CHCHD3: variants seen among roughly 807,000 people sequenced by gnomAD.
CHCHD3 encodes MICOS complex subunit MIC19.
In CHCHD3, 20 loss-of-function variants were observed where a neutral mutation model predicts 38.2. The observed-to-expected ratio is 0.52, with a 90% CI of 0.37 to 0.76. The LOEUF is 0.76. CHCHD3 is among the 30% of genes least tolerant of loss of function. The pLI is 0.00. For missense variants in CHCHD3, 245 were observed against 279.2 expected, an observed-to-expected ratio of 0.88 and a Z score of 0.87; for synonymous variants, 82 against 100.0, an observed-to-expected ratio of 0.82 and a Z score of 1.07.
intron 3 of CHCHD3, among the ~76,000 whole-genome samples, chr7:132,979,004 T>C (rs921464349): frequency 2.0e-5 from 3 of 152,210 alleles, no homozygotes; most frequent in Admixed American, 6.5e-5. Context: ...ATCAGGGAGT[T>C]TGGCAGTAGG....
At chr7:132,819,004 T>C (rs550519015) in intron 6 of CHCHD3, among the ~76,000 whole-genome samples, 19 of 152,338 alleles carry the variant, frequency 1.2e-4, no homozygotes, top group Non-Finnish European at 2.4e-4. Context: ...AATCAAACCA[T>C]TAGGCCAGAC....
At chr7:133,055,805 C>T (rs1459479820) in intron 2 of CHCHD3, among the ~76,000 whole-genome samples, 7 of 151,662 alleles carry the variant, frequency 4.6e-5, no homozygotes, top group Non-Finnish European at 1.0e-4. Flanking sequence ...CTCACTCCTC[C>T]CCCACCATAC....
At chr7:132,822,036 CT>C (rs1267877256) in intron 6 of CHCHD3, among the ~76,000 whole-genome samples, 3 of 152,194 alleles carry the variant, frequency 2.0e-5, no homozygotes, top group Non-Finnish European at 4.4e-5. Flanking sequence ...AGATCCCAGC[CT>C]AATGCACTTT....
In CHCHD3 at chr7:133,070,156, G is replaced by C; in HGVS notation, c.155C>G (p.Ala52Gly). 6.2e-7 allele frequency: 1 copy of C among 1,610,374 alleles called. No homozygotes were observed. The highest frequency in any genetic ancestry group is 8.5e-7 in the Non-Finnish European group (1 of 1,179,264). ...TTCAGCAATACCTGAGGCACCATAA[G>C]CACCAGAATACCGCTGAGACTTCGA... ...SGSKSQRYSG[A>G]YGASVSDEEL... The change falls in exon 2 of 8, where the codon GCT (alanine) becomes GGT (glycine). Residue 52 changes from alanine to glycine, a missense_variant. By Grantham distance (60) the Ala-to-Gly change is moderately conservative (BLOSUM62 0). Coordinates refer to ENST00000262570, the MANE Select transcript of CHCHD3 (RefSeq NM_017812.4).
chr7:132,916,223 C>T (rs1038064104), intron 4 of CHCHD3, among the ~76,000 whole-genome samples: 3 of 152,138 alleles, frequency 2.0e-5, no homozygotes, highest in Admixed American at 2.0e-4. Flanking sequence ...ACTCTTCATC[C>T]TAATTCCTTT....
intron 3 of CHCHD3, among the ~76,000 whole-genome samples, chr7:133,019,405 G>A (rs1346157016): frequency 1.3e-5 from 2 of 152,016 alleles, no homozygotes; most frequent in African/African-American, 4.8e-5. Flanking sequence ...ATTAGTATGA[G>A]AAACTAAAAG....
At chr7:132,940,776 G>C (rs1032960997) in intron 4 of CHCHD3, among the ~76,000 whole-genome samples, 3 of 152,134 alleles carry the variant, frequency 2.0e-5, no homozygotes, top group African/African-American at 7.2e-5. Context: ...AGACATCCTT[G>C]ACAGGTGTCA....
At chr7:133,051,651 G>A (rs1814170620) in intron 2 of CHCHD3, among the ~76,000 whole-genome samples, 1 of 151,952 alleles carries the variant, frequency 6.6e-6, no homozygotes. Context: ...ATATGTATAT[G>A]TATGAATGAA....
At chr7:132,787,767 T>G (rs2117016227) in intron 7 of CHCHD3, among the ~76,000 whole-genome samples, 1 of 152,266 alleles carries the variant, frequency 6.6e-6, no homozygotes, top group Non-Finnish European at 1.5e-5. Flanking sequence ...CATTATAGGT[T>G]TCTAAGAAGT....
intron 3 of CHCHD3, among the ~76,000 whole-genome samples, chr7:133,020,955 G>A (rs1285377927): frequency 6.9e-6 from 1 of 145,538 alleles, no homozygotes; most frequent in Admixed American, 6.9e-5. Flanking sequence ...GGGGAGAACG[G>A]ATAAGAGGGG....
chr7:132,936,870 AAC>A (rs959337775), intron 4 of CHCHD3, among the ~76,000 whole-genome samples: 4 of 152,180 alleles, frequency 2.6e-5, no homozygotes, highest in Non-Finnish European at 5.9e-5. Flanking sequence ...CAGTTAAACT[AAC>A]AGTTTATATT....
chr7:132,843,441 G>GA (rs929307757), intron 5 of CHCHD3, among the ~76,000 whole-genome samples: 31 of 151,684 alleles, frequency 2.0e-4, no homozygotes, highest in African/African-American at 6.0e-4. Flanking sequence ...CATTCAAAGT[G>GA]AAAAAAAATC....
At chr7:132,835,924 C>G (rs936629546) in intron 6 of CHCHD3, among the ~76,000 whole-genome samples, 2 of 152,132 alleles carry the variant, frequency 1.3e-5, no homozygotes, top group Admixed American at 6.5e-5. Flanking sequence ...TGTGTCAAGA[C>G]ACAGGGAGCA....
chr7:132,799,160 AG>A (rs1276698100), intron 6 of CHCHD3, among the ~76,000 whole-genome samples: 1 of 152,120 alleles, frequency 6.6e-6, no homozygotes, highest in Non-Finnish European at 1.5e-5. Flanking sequence ...CTCCAGCTCC[AG>A]GAGTAGACTC....
chr7:133,071,191 G>T (rs1208016179), intron 1 of CHCHD3, among the ~76,000 whole-genome samples: 6 of 152,148 alleles, frequency 3.9e-5, no homozygotes, highest in African/African-American at 1.2e-4. Flanking sequence ...AGACTTGCTT[G>T]TTTACCATCT....
chr7:132,904,621 GA>G lies in CHCHD3; in HGVS notation c.370-18877del, dbSNP rs1209904629. On this transcript the variant is annotated intron_variant, in intron 4 of 7. Coordinates refer to ENST00000262570, the MANE Select transcript of CHCHD3 (RefSeq NM_017812.4). ...TGCTGGAGAGGATGTGGAGAAATAG[GA>G]ACACTTTTACACTGTTGGTGGGACT... Among the ~76,000 whole-genome samples the G allele has an allele frequency of 1.1e-4, 16 of 152,282 alleles. No homozygotes were observed. In the East Asian group the frequency reaches 3.1e-3, roughly 29 times the overall value.
chr7:132,988,519 A>C (rs1157143006), intron 3 of CHCHD3, among the ~76,000 whole-genome samples: 1 of 152,178 alleles, frequency 6.6e-6, no homozygotes, highest in African/African-American at 2.4e-5. Context: ...ATTATTTAGC[A>C]ATATATATTT....
rs1314398511 is a variant in CHCHD3, at chr7:133,035,545, G to A, written c.170-10918C>T. On this transcript the variant is annotated intron_variant, in intron 2 of 7. Transcript: ENST00000262570. This position sits in a 1 kb window ranked among gnomAD's most constrained non-coding sequence, Gnocchi z 4.7. ...TCCTCCTTTGCATTCTCAGTGGCCT[G>A]TTTGTTGTGGTGCATGATGCCCAAG... 1 of 1,613,564 alleles carries A rather than the reference G, an allele frequency of 6.2e-7. No homozygotes were observed. The highest frequency in any genetic ancestry group is 1.7e-5 in the Admixed American group (1 of 60,020).
Position 132,838,447 on chromosome 7 carries a change from G to A in CHCHD3, c.476C>T (p.Thr159Ile). 1 of 1,612,652 alleles carries A rather than the reference G, an allele frequency of 6.2e-7. No homozygotes were observed. The highest frequency in any genetic ancestry group is 8.5e-7 in the Non-Finnish European group (1 of 1,179,060). ...AGCAGCTTTCTGATATTGTTCAGTGGTGACTCTGTAGAACTCTGAGCTCTG... is the reference window on the plus strand; with the variant it reads ...AGCAGCTTTCTGATATTGTTCAGTGATGACTCTGTAGAACTCTGAGCTCTG... ...EERSSEFYRV[T>I]TEQYQKAAEE... is the part of the protein sequence containing the mutation. The change falls in exon 6 of 8, where the codon ACC (threonine) becomes ATC (isoleucine). Residue 159 changes from threonine to isoleucine, a missense_variant. By Grantham distance (89) the Thr-to-Ile change is moderately conservative (BLOSUM62 -1). Coordinates refer to ENST00000262570, the MANE Select transcript of CHCHD3 (RefSeq NM_017812.4).
Sources: allele counts gnomAD v4.1 joint callset (sites outside exome capture counted in the v4.1 genomes callset), GRCh38; gene constraint gnomAD v4.1.1; non-coding constraint Gnocchi (gnomAD v3.1); transcripts MANE v1.5; gene names NCBI Gene and HGNC (gene_info 2026-07-23, HGNC 2026-07-21).